Variants in VAV3 observed in about 807,000 individuals in gnomAD.
VAV3 encodes the protein vav guanine nucleotide exchange factor 3, also known as guanine nucleotide exchange factor VAV3.
In VAV3, 94 loss-of-function variants were observed where a neutral mutation model predicts 131.2. That is an observed-to-expected ratio of 0.72 (90% CI 0.61 to 0.85). VAV3 has a LOEUF of 0.85. VAV3 is among the 40% of genes least tolerant of loss of function. The pLI, the probability that VAV3 is intolerant of heterozygous loss-of-function variation, is 0.00. For synonymous variants in VAV3, 349 were observed against 342.0 expected (o/e 1.02, Z -0.22); for missense variants, 939 against 1,002.7 (o/e 0.94, Z 0.86).
chr1:107,837,836 C>T (rs1407256851), intron 2 of VAV3, among the ~76,000 whole-genome samples: 1 of 151,998 alleles, frequency 6.6e-6, no homozygotes. Context: ...GCTAGCCATA[C>T]ACAGGAGAAT....
intron 9 of VAV3, among the ~76,000 whole-genome samples, chr1:107,761,678 C>T (rs757073491): frequency 5.9e-5 from 9 of 152,154 alleles, no homozygotes; most frequent in Admixed American, 1.3e-4. Flanking sequence ...CTAGGCCTTT[C>T]GTAACAATTA....
At position 107,845,111 on chromosome 1, in the gene VAV3, C is replaced by A. The variant is rs1046290944; in HGVS notation, c.321+29790G>T. ...GGGACGAAGCTTCCAGAGAAAGGAACAGGCAGCAATCTTTGCTCTTCTGCA... is the reference window on the plus strand; with the variant it reads ...GGGACGAAGCTTCCAGAGAAAGGAAAAGGCAGCAATCTTTGCTCTTCTGCA... On this transcript the variant is annotated intron_variant, in intron 2 of 26. Coordinates refer to ENST00000370056, the MANE Select transcript of VAV3 (RefSeq NM_006113.5). Among the ~76,000 whole-genome samples, 6 of 152,210 alleles carry A rather than the reference C, an allele frequency of 3.9e-5. 1 individual carries two copies. The South Asian group carries it at 1.2e-3, about 32-fold the overall frequency.
chr1:107,850,040 G>T (rs1669148518), intron 2 of VAV3, among the ~76,000 whole-genome samples: 2 of 152,170 alleles, frequency 1.3e-5, no homozygotes, highest in South Asian at 4.1e-4. Flanking sequence ...ATGCCAGTTA[G>T]AATGGCAATC....
chr1:107,690,827 GCCA>G (rs1356468946), intron 17 of VAV3, among the ~76,000 whole-genome samples: 2 of 152,042 alleles, frequency 1.3e-5, no homozygotes, highest in African/African-American at 4.8e-5. Flanking sequence ...TGTCCTCATG[GCCA>G]CCACATTCAC....
At chr1:107,916,813 T>C (rs1163225656) in intron 1 of VAV3, among the ~76,000 whole-genome samples, 2 of 152,066 alleles carry the variant, frequency 1.3e-5, no homozygotes, top group African/African-American at 4.8e-5. Context: ...ATGGATTAAG[T>C]AGGAAGAACA....
chr1:107,579,576 C>T lies in VAV3; in HGVS notation c.2351-5378G>A, dbSNP rs558865943. On this transcript the variant is annotated intron_variant, in intron 25 of 26. Coordinates refer to ENST00000370056, the MANE Select transcript of VAV3 (RefSeq NM_006113.5). ...AATCGTTCAGTAATTCTCAGCTGCACCATCCCAATTCAGGTATCTATATCA... is the reference window on the plus strand; with the variant it reads ...AATCGTTCAGTAATTCTCAGCTGCATCATCCCAATTCAGGTATCTATATCA... Among the ~76,000 whole-genome samples the T allele has an allele frequency of 1.6e-4, 25 of 152,346 alleles. No individual in the cohort carries two copies. The South Asian group carries it at 5.2e-3, about 32-fold the overall frequency.
chr1:107,820,950 G>A (rs1667768656), intron 2 of VAV3: 1 of 152,098 alleles, frequency 6.6e-6, no homozygotes, highest in South Asian at 2.1e-4. Flanking sequence ...CTAGATGACT[G>A]AAGGTATAAA....
rs139601644 is a variant in VAV3, at chr1:107,881,100, T to C, written c.205-6083A>G. Among the ~76,000 whole-genome samples the C allele has an allele frequency of 4.1e-3, 627 of 152,360 alleles. 5 individuals are homozygous for C. Among genetic ancestry groups the C allele is most frequent in the African/African-American group, 0.014 (589 of 41,586 alleles). On this transcript the variant is annotated intron_variant, in intron 1 of 26. Transcript: ENST00000370056. ...CCATATCCTTAACTACTATGTTATA[T>C]TAACTCCATTTTTGCAGCTTATAGA... is the stretch of plus-strand genomic sequence containing the variant.
intron 17 of VAV3, among the ~76,000 whole-genome samples, chr1:107,700,096 T>C (rs1378598574): frequency 6.6e-6 from 1 of 152,196 alleles, no homozygotes; most frequent in Non-Finnish European, 1.5e-5. Flanking sequence ...AAAGCTGAGT[T>C]AAACAGCTAG....
chr1:107,760,524 T>A (rs1664351568), intron 10 of VAV3, among the ~76,000 whole-genome samples: 1 of 152,192 alleles, frequency 6.6e-6, no homozygotes, highest in Admixed American at 6.5e-5. Context: ...TTTATTTGTT[T>A]TGACTTGTTT....
chr1:107,754,060 G>A (rs887676963), intron 12 of VAV3, among the ~76,000 whole-genome samples: 2 of 152,224 alleles, frequency 1.3e-5, no homozygotes, highest in Admixed American at 6.5e-5. Context: ...CTGTAGAAAC[G>A]TATGTCAAAT....
At chr1:107,625,549 G>T (rs953506689) in intron 20 of VAV3, among the ~76,000 whole-genome samples, 12 of 152,150 alleles carry the variant, frequency 7.9e-5, no homozygotes, top group Non-Finnish European at 1.6e-4. Context: ...TTACAGGCAT[G>T]AGCCACTGTG....
At chr1:107,851,199 C>A (rs929361414) in intron 2 of VAV3, among the ~76,000 whole-genome samples, 7 of 149,428 alleles carry the variant, frequency 4.7e-5, no homozygotes, top group African/African-American at 7.4e-5. Context: ...AAGAAGCCGG[C>A]CCTCATTCCC....
At chr1:107,777,018 A>G (rs1665398023) in intron 4 of VAV3, among the ~76,000 whole-genome samples, 1 of 152,228 alleles carries the variant, frequency 6.6e-6, no homozygotes, top group Non-Finnish European at 1.5e-5. Context: ...TCATTAGAGT[A>G]AGTTTCTTTA....
intron 19 of VAV3, among the ~76,000 whole-genome samples, chr1:107,682,889 A>G (rs1658748910): frequency 6.6e-6 from 1 of 152,216 alleles, no homozygotes; most frequent in African/African-American, 2.4e-5. Flanking sequence ...TGTGGAAAGA[A>G]GGCATTGCAT....
At chr1:107,638,492 T>G (rs1458194298) in intron 20 of VAV3, among the ~76,000 whole-genome samples, 2 of 152,184 alleles carry the variant, frequency 1.3e-5, no homozygotes, top group African/African-American at 2.4e-5. Flanking sequence ...GTATATGACC[T>G]TAACTCTGAA....
intron 19 of VAV3, among the ~76,000 whole-genome samples, chr1:107,649,802 T>C (rs541532480): frequency 1.3e-5 from 2 of 152,264 alleles, no homozygotes; most frequent in South Asian, 4.1e-4. Flanking sequence ...CATTCATGCA[T>C]TGATATTGGC....
chr1:107,629,313 G>C (rs1654265044), intron 20 of VAV3, among the ~76,000 whole-genome samples: 2 of 152,160 alleles, frequency 1.3e-5, no homozygotes, highest in South Asian at 2.1e-4. Context: ...CTCTTCCTTT[G>C]TGATAAGTAT....
intron 15 of VAV3, among the ~76,000 whole-genome samples, chr1:107,721,484 G>C (rs1297615698): frequency 2.0e-5 from 3 of 152,130 alleles, no homozygotes; most frequent in African/African-American, 7.2e-5. Context: ...AACCAAAACA[G>C]GGTAGGCATA....
Sources: allele counts gnomAD v4.1 joint callset (sites outside exome capture counted in the v4.1 genomes callset), GRCh38; gene constraint gnomAD v4.1.1; transcripts MANE v1.5; gene names NCBI Gene and HGNC (gene_info 2026-07-23, HGNC 2026-07-21).